The following SH3RF3 variants were observed in gnomAD, a reference collection of about 807,000 sequenced individuals.
SH3RF3 encodes the protein E3 ubiquitin-protein ligase SH3RF3.
Under a neutral mutation model 66.3 loss-of-function variants are expected in SH3RF3, and 29 were observed. That is an observed-to-expected ratio of 0.44 (90% CI 0.33 to 0.60). SH3RF3 has a LOEUF of 0.60. SH3RF3 is among the 20% of genes least tolerant of loss of function. The probability of loss-of-function intolerance (pLI) is 0.04; values close to 1 mark genes in which losing one functional copy is unlikely to be tolerated. For missense variants in SH3RF3, 1,194 were observed against 1,190.9 expected (o/e 1.00, Z -0.04); for synonymous variants, 583 against 532.0 (o/e 1.10, Z -1.32).
At chr2:109,194,185 T>G (rs1039380988) in intron 1 of SH3RF3, among the ~76,000 whole-genome samples, 4 of 152,360 alleles carry the variant, frequency 2.6e-5, no homozygotes, top group Middle Eastern at 3.4e-3. Flanking sequence ...TTGGAATCCC[T>G]GAAACAGGCA....
chr2:109,320,740 G>A (rs530596147), intron 1 of SH3RF3, among the ~76,000 whole-genome samples: 4 of 152,310 alleles, frequency 2.6e-5, no homozygotes, highest in East Asian at 1.9e-4. Flanking sequence ...AGTAAACAAC[G>A]TCAGGCAGAT....
At chr2:109,178,982 T>C (rs1413997056) in intron 1 of SH3RF3, among the ~76,000 whole-genome samples, 1 of 148,280 alleles carries the variant, frequency 6.7e-6, no homozygotes. Flanking sequence ...GGAAATACTT[T>C]TTTTCTTATA....
intron 1 of SH3RF3, among the ~76,000 whole-genome samples, chr2:109,345,722 C>T (rs6738796): frequency 0.18 from 27,393 of 152,120 alleles, 2,628 homozygotes; most frequent in African/African-American, 0.24. Flanking sequence ...TTAAAGTATT[C>T]GTAGACTAAG....
chr2:109,379,909 C>T (rs899753871), intron 3 of SH3RF3, among the ~76,000 whole-genome samples: 2 of 152,142 alleles, frequency 1.3e-5, no homozygotes, highest in African/African-American at 4.8e-5. Flanking sequence ...CAGAGTGGTC[C>T]AGGAGGCAAA....
chr2:109,345,669 G>T (rs1335347694), intron 1 of SH3RF3, among the ~76,000 whole-genome samples: 1 of 152,198 alleles, frequency 6.6e-6, no homozygotes, highest in South Asian at 2.1e-4. Context: ...GTAGCCAATA[G>T]TGAAAATACT....
chr2:109,177,534 G>C (rs1042613473), intron 1 of SH3RF3, among the ~76,000 whole-genome samples: 2 of 151,980 alleles, frequency 1.3e-5, no homozygotes, highest in Non-Finnish European at 2.9e-5. Flanking sequence ...TGGGGAGTGT[G>C]ACTGTCACCT....
chr2:109,416,181 A>G (rs1042353700), intron 4 of SH3RF3, among the ~76,000 whole-genome samples: 2 of 152,222 alleles, frequency 1.3e-5, no homozygotes, highest in Non-Finnish European at 2.9e-5. Flanking sequence ...AGACTAAGAC[A>G]TTCCCTAACA....
chr2:109,408,188 G>A (rs923941127), intron 4 of SH3RF3, among the ~76,000 whole-genome samples: 1 of 152,162 alleles, frequency 6.6e-6, no homozygotes, highest in African/African-American at 2.4e-5. Context: ...CCACCGGTAG[G>A]CCCCATGGGA....
intron 8 of SH3RF3, among the ~76,000 whole-genome samples, chr2:109,489,768 C>G (rs540175171): frequency 2.0e-5 from 3 of 151,944 alleles, no homozygotes; most frequent in Admixed American, 2.0e-4. Context: ...GACGGAGTCT[C>G]GCTCTGTCAC....
At chr2:109,412,144 C>T (rs563352711) in intron 4 of SH3RF3, among the ~76,000 whole-genome samples, 2 of 152,374 alleles carry the variant, frequency 1.3e-5, no homozygotes, top group Admixed American at 6.5e-5. Flanking sequence ...GGATGGTGAG[C>T]CTTCGGCCGC....
intron 2 of SH3RF3, among the ~76,000 whole-genome samples, chr2:109,367,381 A>G (rs1683172140): frequency 6.6e-6 from 1 of 152,170 alleles, no homozygotes; most frequent in African/African-American, 2.4e-5. Flanking sequence ...TCCTGGGTTC[A>G]AGCAATTCTC....
chr2:109,146,776 CTCCTT>C (rs1677108083), intron 1 of SH3RF3, among the ~76,000 whole-genome samples: 1 of 132,106 alleles, frequency 7.6e-6, no homozygotes, highest in African/African-American at 2.9e-5. Flanking sequence ...TTGCGGATCT[CTCCTT>C]TCTTTAGTGC....
chr2:109,301,648 C>A (rs1681472053), intron 1 of SH3RF3, among the ~76,000 whole-genome samples: 1 of 152,152 alleles, frequency 6.6e-6, no homozygotes, highest in South Asian at 2.1e-4. Context: ...CATGCCGAGA[C>A]CACTAGGCTC....
intron 1 of SH3RF3, among the ~76,000 whole-genome samples, chr2:109,275,336 A>G (rs1028241134): frequency 7.2e-5 from 11 of 152,176 alleles, no homozygotes; most frequent in Non-Finnish European, 1.2e-4. Context: ...GCTTCAGTTT[A>G]TATTTGTGAT....
chr2:109,170,311 T>C (rs199779959), intron 1 of SH3RF3, among the ~76,000 whole-genome samples: 2,074 of 128,190 alleles, frequency 0.016, 31 homozygotes, highest in South Asian at 0.03. Context: ...TCTCTTCTCT[T>C]CTCTCCTCTC....
At chr2:109,201,108 G>C (rs573752833) in intron 1 of SH3RF3, among the ~76,000 whole-genome samples, 30 of 152,338 alleles carry the variant, frequency 2.0e-4, no homozygotes, top group Middle Eastern at 6.8e-3. Flanking sequence ...CTGTCCCTCA[G>C]CACAGACCTT....
At chr2:109,276,192 A>G (rs1680754851) in intron 1 of SH3RF3, among the ~76,000 whole-genome samples, 1 of 152,228 alleles carries the variant, frequency 6.6e-6, no homozygotes, top group East Asian at 1.9e-4. Context: ...AGAAAACACC[A>G]GCGTTCTCCC....
rs573111008 is a variant in SH3RF3 at position 109,215,705 on chromosome 2, T to C, written c.573+85592T>C. 9.2e-5 allele frequency among the ~76,000 whole-genome samples: 14 copies of C among 152,302 alleles called. No homozygotes were observed. The East Asian group carries it at 2.7e-3, about 29-fold the overall frequency. ...CTTCTGGAATCCTACACCCAGACCG[T>C]GTGACTCACCCTGTGAACTGCCACT... On this transcript the variant is annotated intron_variant, in intron 1 of 9. Coordinates refer to ENST00000309415, the MANE Select transcript of SH3RF3 (RefSeq NM_001099289.3).
At chr2:109,181,090 G>A (rs1439464610) in intron 1 of SH3RF3, among the ~76,000 whole-genome samples, 1 of 152,204 alleles carries the variant, frequency 6.6e-6, no homozygotes, top group African/African-American at 2.4e-5. Flanking sequence ...GTCAGCATGA[G>A]CATGTGGAGG....
Sources: allele counts gnomAD v4.1 joint callset (sites outside exome capture counted in the v4.1 genomes callset), GRCh38; gene constraint gnomAD v4.1.1; transcripts MANE v1.5; gene names NCBI Gene and HGNC (gene_info 2026-07-23, HGNC 2026-07-21).